The following RPH3A variants were observed in gnomAD, a reference collection of about 807,000 sequenced individuals.
The protein encoded by RPH3A is rabphilin 3A.
Under a neutral mutation model 102.2 loss-of-function variants are expected in RPH3A, and 48 were observed. The ratio of observed to expected loss-of-function variants is 0.47; its 90% confidence interval spans 0.37 to 0.60. The LOEUF (loss-of-function observed/expected upper bound fraction) is 0.60. RPH3A is among the 20% of genes least tolerant of loss of function. The pLI is 0.00. For missense variants in RPH3A, 781 were observed against 910.1 expected (o/e 0.86, Z 1.83); for synonymous variants, 310 against 324.3 (o/e 0.96, Z 0.47).
At chr12:112,877,417 T>TAC (rs1491528958) in intron 13 of RPH3A, among the ~76,000 whole-genome samples, 1 of 99,272 alleles carries the variant, frequency 1.0e-5, no homozygotes, top group African/African-American at 4.5e-5. Context: ...CACACACACG[T>TAC]ATACACACAC....
intron 12 of RPH3A, 107 bp from the exon 13 acceptor site, chr12:112,876,535 T>G: frequency 2.6e-6 from 2 of 782,150 alleles, no homozygotes; most frequent in South Asian, 4.0e-5. Flanking sequence ...GCATATCCAC[T>G]GATTCCGGGT....
intron 2 of RPH3A, among the ~76,000 whole-genome samples, chr12:112,821,735 T>C (rs1363536931): frequency 6.6e-6 from 1 of 152,194 alleles, no homozygotes; most frequent in Non-Finnish European, 1.5e-5. Context: ...CATTTAATAT[T>C]CTACTTGTTT....
intron 1 of RPH3A, among the ~76,000 whole-genome samples, chr12:112,589,173 G>T (rs1386441493): frequency 6.6e-6 from 1 of 151,658 alleles, no homozygotes. Context: ...GGAAGTGGGG[G>T]CCAACCCAGG....
chr12:112,879,059 G>A, intron 13 of RPH3A, 60 bp from the exon 14 acceptor site: 1 of 1,417,408 alleles, frequency 7.1e-7, no homozygotes, highest in South Asian at 1.2e-5. Context: ...AAGTGTTCAG[G>A]AAATGTTTGC....
At chr12:112,785,941 G>C (rs2041046937) in intron 1 of RPH3A, among the ~76,000 whole-genome samples, 1 of 152,164 alleles carries the variant, frequency 6.6e-6, no homozygotes, top group Admixed American at 6.5e-5. Context: ...AATGGTAGCT[G>C]TTATTCATCA....
chr12:112,824,948 G>T (rs1357084542), intron 2 of RPH3A, among the ~76,000 whole-genome samples: 1 of 151,982 alleles, frequency 6.6e-6, no homozygotes. Context: ...TTCCTCCCAG[G>T]ATCTCCAAGG....
At chr12:112,768,040 C>T (rs541162815) in intron 1 of RPH3A, among the ~76,000 whole-genome samples, 6 of 152,146 alleles carry the variant, frequency 3.9e-5, no homozygotes, top group East Asian at 1.9e-4. Context: ...ACAGTGGTAA[C>T]GGTTGTACAA....
intron 2 of RPH3A, among the ~76,000 whole-genome samples, chr12:112,815,289 C>T (rs1193234481): frequency 1.3e-5 from 2 of 152,194 alleles, no homozygotes; most frequent in East Asian, 1.9e-4. Flanking sequence ...AACCACATGA[C>T]GCTGCCATTA....
chr12:112,721,585 A>G (rs1420165918), intron 1 of RPH3A, among the ~76,000 whole-genome samples: 1 of 152,094 alleles, frequency 6.6e-6, no homozygotes, highest in Non-Finnish European at 1.5e-5. Flanking sequence ...ATATCCCTTT[A>G]TTAAAAAATT....
At chr12:112,612,250 G>T (rs948098131) in intron 1 of RPH3A, among the ~76,000 whole-genome samples, 1 of 152,196 alleles carries the variant, frequency 6.6e-6, no homozygotes, top group Non-Finnish European at 1.5e-5. Flanking sequence ...GCTGAAATGA[G>T]TCCATGTGCT....
chr12:112,787,283 C>T (rs779875292), upstream of RPH3A, among the ~76,000 whole-genome samples: 1 of 152,166 alleles, frequency 6.6e-6, no homozygotes, highest in African/African-American at 2.4e-5. Flanking sequence ...CTTTTGGGGC[C>T]ATTATTTTGC....
intron 15 of RPH3A, among the ~76,000 whole-genome samples, chr12:112,882,747 G>T (rs2042935979): frequency 6.6e-6 from 1 of 152,146 alleles, no homozygotes; most frequent in Admixed American, 6.5e-5. Flanking sequence ...ACTCCTAATA[G>T]CCAAAGCTGC....
intron 1 of RPH3A, among the ~76,000 whole-genome samples, chr12:112,707,667 T>G (rs752914752): frequency 2.6e-5 from 4 of 152,262 alleles, no homozygotes; most frequent in African/African-American, 4.8e-5. Flanking sequence ...GTTTACATCA[T>G]TGGGTATTTG....
intron 1 of RPH3A, among the ~76,000 whole-genome samples, chr12:112,596,593 A>G (rs1838071086): frequency 6.6e-6 from 1 of 152,090 alleles, no homozygotes; most frequent in African/African-American, 2.4e-5. Flanking sequence ...TTTGTCTATT[A>G]TTTTGTTAAT....
chr12:112,815,637 G>C (rs887856410), intron 2 of RPH3A, among the ~76,000 whole-genome samples: 11 of 152,176 alleles, frequency 7.2e-5, no homozygotes, highest in Non-Finnish European at 1.5e-4. Context: ...ATGAGATTTA[G>C]AGCTGCAGAT....
chr12:112,647,997 C>T (rs552195945), intron 1 of RPH3A, among the ~76,000 whole-genome samples: 1 of 152,240 alleles, frequency 6.6e-6, no homozygotes, highest in South Asian at 2.1e-4. Flanking sequence ...TATGTTTTCT[C>T]CTGACACTAT....
intron 2 of RPH3A, among the ~76,000 whole-genome samples, chr12:112,800,847 G>T (rs1160523295): frequency 6.6e-6 from 1 of 152,148 alleles, no homozygotes; most frequent in Admixed American, 6.5e-5. Flanking sequence ...GGGCCAATGG[G>T]TTAAGAGACA....
At position 112,898,435 on chromosome 12, in the gene RPH3A, C is replaced by A. The variant is rs576862409; in HGVS notation, c.*1655C>A. 3.9e-5 allele frequency: 6 copies of A among 152,356 alleles called. No individual in the cohort carries two copies. The highest frequency in any genetic ancestry group is 1.2e-4 in the African/African-American group (5 of 41,574). 9.4% of individuals were successfully genotyped at this position (152,356 alleles called of 1,614,324 possible). On this transcript the variant is annotated 3_prime_UTR_variant, in exon 22 of 22. Transcript: ENST00000389385. ...AACTCTCACTTTCCCCAAATCACAT[C>A]TCTTAACTTTTCAACGCCCTCCACC...
chr12:112,777,786 T>A (rs980769853), intron 1 of RPH3A, among the ~76,000 whole-genome samples: 3 of 152,250 alleles, frequency 2.0e-5, no homozygotes, highest in Non-Finnish European at 2.9e-5. Flanking sequence ...AGGCTGCAAT[T>A]TTGCTAAATT....
Sources: allele counts gnomAD v4.1 joint callset (sites outside exome capture counted in the v4.1 genomes callset), GRCh38; gene constraint gnomAD v4.1.1; transcripts MANE v1.5; gene names NCBI Gene and HGNC (gene_info 2026-07-23, HGNC 2026-07-21).